JAZF1: variants seen among roughly 807,000 people sequenced by gnomAD.
JAZF1 encodes the protein JAZF zinc finger 1, also known as juxtaposed with another zinc finger protein 1.
Under a neutral mutation model 26.4 loss-of-function variants are expected in JAZF1, and 8 were observed. The observed-to-expected ratio is 0.30, with a 90% CI of 0.18 to 0.55. The LOEUF is 0.55. JAZF1 is among the 20% of genes least tolerant of loss of function. The pLI is 0.94. For missense variants in JAZF1, 199 were observed against 322.0 expected, an observed-to-expected ratio of 0.62 and a Z score of 2.92; for synonymous variants, 126 against 122.3, an observed-to-expected ratio of 1.03 and a Z score of -0.20.
rs1039184489 is a variant in JAZF1 at position 27,951,409 on chromosome 7, C to T, written c.188+40500G>A. Among the ~76,000 whole-genome samples, 8 of 152,116 alleles carry T rather than the reference C, an allele frequency of 5.3e-5. 1 individual carries two copies. The highest frequency in any genetic ancestry group is 4.6e-4 in the Admixed American group (7 of 15,268). On this transcript the variant is annotated intron_variant, in intron 2 of 4. Coordinates refer to ENST00000283928, the MANE Select transcript of JAZF1 (RefSeq NM_175061.4). ...AATAATGCAATTTTTTTGCCAGGTT[C>T]TAAGGCATTTGCTGCCACAGTGTAC...
At chr7:28,004,933 T>C (rs1782674021) in intron 1 of JAZF1, among the ~76,000 whole-genome samples, 1 of 152,180 alleles carries the variant, frequency 6.6e-6, no homozygotes, top group Non-Finnish European at 1.5e-5. Context: ...GATTACGGCG[T>C]GAACCACAAG....
chr7:28,092,817 CA>C (rs1228724742), intron 1 of JAZF1, among the ~76,000 whole-genome samples: 1 of 150,692 alleles, frequency 6.6e-6, no homozygotes, highest in Non-Finnish European at 1.5e-5. Context: ...GCCGTAATTA[CA>C]CAACTGCACT....
At chr7:27,982,060 A>G (rs767523900) in intron 2 of JAZF1, among the ~76,000 whole-genome samples, 2 of 152,250 alleles carry the variant, frequency 1.3e-5, no homozygotes, top group East Asian at 1.9e-4. Flanking sequence ...GATGCAGAAC[A>G]TGGGTGATTT....
At chr7:27,925,454 C>T (rs374334586) in intron 2 of JAZF1, among the ~76,000 whole-genome samples, 1 of 152,148 alleles carries the variant, frequency 6.6e-6, no homozygotes, top group Non-Finnish European at 1.5e-5. Context: ...GACAGGGTCT[C>T]GTCCTGTTGC....
intron 1 of JAZF1, among the ~76,000 whole-genome samples, chr7:28,128,157 A>G (rs1239944815): frequency 1.3e-5 from 2 of 152,230 alleles, no homozygotes; most frequent in Non-Finnish European, 2.9e-5. Context: ...ACTGAGACGT[A>G]TCTTCTAGGT....
intron 2 of JAZF1, among the ~76,000 whole-genome samples, chr7:27,910,755 G>A (rs923345426): frequency 5.9e-5 from 9 of 152,160 alleles, no homozygotes; most frequent in Non-Finnish European, 1.0e-4. Flanking sequence ...TCCTTTTTGA[G>A]TGACTGAAGG....
At chr7:27,926,087 G>A (rs1399028326) in intron 2 of JAZF1, among the ~76,000 whole-genome samples, 1 of 152,226 alleles carries the variant, frequency 6.6e-6, no homozygotes, top group African/African-American at 2.4e-5. Flanking sequence ...GCTCAAGACA[G>A]ACAGGACATC....
chr7:28,046,889 T>C (rs963834762), intron 1 of JAZF1, among the ~76,000 whole-genome samples: 2 of 152,210 alleles, frequency 1.3e-5, no homozygotes, highest in African/African-American at 4.8e-5. Flanking sequence ...TTATGTTACA[T>C]ATGTTTCACA....
At chr7:27,953,089 A>G (rs971988241) in intron 2 of JAZF1, among the ~76,000 whole-genome samples, 2 of 152,240 alleles carry the variant, frequency 1.3e-5, no homozygotes, top group Non-Finnish European at 2.9e-5. Flanking sequence ...ATGGGAACAA[A>G]TATTTGATGA....
chr7:27,855,111 T>G (rs2128334890), intron 3 of JAZF1, among the ~76,000 whole-genome samples: 1 of 152,252 alleles, frequency 6.6e-6, no homozygotes, highest in East Asian at 1.9e-4. Flanking sequence ...TTCATTAAGT[T>G]GATCTTCAAT....
At chr7:27,874,106 C>T (rs528045818) in intron 3 of JAZF1, among the ~76,000 whole-genome samples, 2 of 152,290 alleles carry the variant, frequency 1.3e-5, no homozygotes, top group South Asian at 4.1e-4. Flanking sequence ...GAGTTCATCT[C>T]CAGCTGGGCG....
intron 3 of JAZF1, among the ~76,000 whole-genome samples, chr7:27,848,070 A>T (rs11975008): frequency 0.32 from 49,309 of 152,052 alleles, 8,448 homozygotes; most frequent in African/African-American, 0.37. Flanking sequence ...ACATCAGTTT[A>T]AGGATTGTTT....
At chr7:28,157,783 C>T (rs1783211065) in intron 1 of JAZF1, among the ~76,000 whole-genome samples, 2 of 152,158 alleles carry the variant, frequency 1.3e-5, no homozygotes, top group Non-Finnish European at 2.9e-5. Context: ...GTAATGCTAA[C>T]TCATGCACCT....
intron 1 of JAZF1, among the ~76,000 whole-genome samples, chr7:28,045,676 A>C (rs1783484310): frequency 6.6e-6 from 1 of 152,156 alleles, no homozygotes; most frequent in South Asian, 2.1e-4. Context: ...TCCTGGGCTC[A>C]AGCGATCTGC....
intron 1 of JAZF1, among the ~76,000 whole-genome samples, chr7:28,151,741 A>G (rs1269327421): frequency 6.6e-6 from 1 of 152,040 alleles, no homozygotes; most frequent in East Asian, 1.9e-4. Flanking sequence ...CAGTGAGCCG[A>G]GATCATGCCA....
rs568295934 is a variant in JAZF1 at position 28,082,051 on chromosome 7, G to A, written c.116-90070C>T. On this transcript the variant is annotated intron_variant, in intron 1 of 4. Coordinates refer to ENST00000283928, the MANE Select transcript of JAZF1 (RefSeq NM_175061.4). ...ATGCTACATTCTGCGATAACAATAA[G>A]TTTATTATTTAAAAGTCCTTAGGCT... 3.3e-5 allele frequency among the ~76,000 whole-genome samples: 5 copies of A among 152,264 alleles called. No homozygotes were observed. The South Asian group carries it at 1.0e-3, about 32-fold the overall frequency.
chr7:28,138,352 T>C (rs1284222072), intron 1 of JAZF1, among the ~76,000 whole-genome samples: 9 of 152,228 alleles, frequency 5.9e-5, no homozygotes, highest in Non-Finnish European at 1.0e-4. Context: ...AACCTACTAT[T>C]AATTAATTTA....
At chr7:28,155,144 G>A (rs1407426485) in intron 1 of JAZF1, among the ~76,000 whole-genome samples, 2 of 152,208 alleles carry the variant, frequency 1.3e-5, no homozygotes, top group Non-Finnish European at 2.9e-5. Context: ...GGAGGCTGCA[G>A]TAAAAACACA....
intron 1 of JAZF1, among the ~76,000 whole-genome samples, chr7:28,152,161 CA>C (rs1422345307): frequency 6.6e-6 from 1 of 152,152 alleles, no homozygotes; most frequent in Non-Finnish European, 1.5e-5. Context: ...TATAAAACAA[CA>C]ACAACTACTA....
Sources: allele counts gnomAD v4.1 joint callset (sites outside exome capture counted in the v4.1 genomes callset), GRCh38; gene constraint gnomAD v4.1.1; transcripts MANE v1.5; gene names NCBI Gene and HGNC (gene_info 2026-07-23, HGNC 2026-07-21).